Variants in NSMCE2 observed in about 807,000 individuals in gnomAD.
NSMCE2 encodes the protein NSE2 SUMO ligase component of SMC5/6 complex, also known as E3 SUMO-protein ligase NSE2.
A neutral mutation model predicts 23.8 loss-of-function variants in NSMCE2; 24 were observed. The ratio of observed to expected loss-of-function variants is 1.01; its 90% CI spans 0.73 to 1.42. The LOEUF (loss-of-function observed/expected upper bound fraction) is 1.42, where lower values mean the gene tolerates loss of function less well. Ranked by LOEUF, NSMCE2 falls within the 40% of genes most tolerant of loss-of-function variation. The probability of loss-of-function intolerance (pLI) is 0.00; values close to 1 mark genes in which losing one functional copy is unlikely to be tolerated. For missense variants in NSMCE2, 284 were observed against 296.5 expected, an observed-to-expected ratio of 0.96 and a Z score of 0.31; for synonymous variants, 92 against 94.1, an observed-to-expected ratio of 0.98 and a Z score of 0.13.
chr8:125,093,351 A>G (rs904367441), intron 1 of NSMCE2, among the ~76,000 whole-genome samples: 11 of 152,234 alleles, frequency 7.2e-5, no homozygotes, highest in South Asian at 2.1e-4. Flanking sequence ...GGGTGACACA[A>G]ACATTCAGAC....
chr8:125,154,154 C>A (rs994184335), intron 4 of NSMCE2, among the ~76,000 whole-genome samples: 1 of 152,148 alleles, frequency 6.6e-6, no homozygotes, highest in Non-Finnish European at 1.5e-5. Context: ...TGCCTAGATT[C>A]AAATCTACCC....
intron 5 of NSMCE2, among the ~76,000 whole-genome samples, chr8:125,323,104 A>G (rs1192328531): frequency 1.3e-5 from 2 of 152,226 alleles, no homozygotes; most frequent in Non-Finnish European, 2.9e-5. Flanking sequence ...GTATCTGACT[A>G]AAGGTGTGCA....
intron 3 of NSMCE2, among the ~76,000 whole-genome samples, chr8:125,135,802 T>G (rs183001114): frequency 7.9e-5 from 12 of 152,362 alleles, no homozygotes; most frequent in Middle Eastern, 6.8e-3. Flanking sequence ...CTATCTTGAT[T>G]ACTGATGCTT....
At chr8:125,348,536 G>A (rs2131344381) in intron 5 of NSMCE2, 2 of 152,208 alleles carry the variant, frequency 1.3e-5, no homozygotes, top group East Asian at 1.9e-4. Context: ...ATCTTGAATT[G>A]TAGCTCCCAT....
At chr8:125,278,563 T>C (rs1238712330) in intron 5 of NSMCE2, among the ~76,000 whole-genome samples, 1 of 152,200 alleles carries the variant, frequency 6.6e-6, no homozygotes, top group African/African-American at 2.4e-5. Context: ...ACCTATTGTT[T>C]TAGGTACTGA....
At chr8:125,355,262 T>A (rs1189550750) in intron 5 of NSMCE2, among the ~76,000 whole-genome samples, 1 of 152,138 alleles carries the variant, frequency 6.6e-6, no homozygotes, top group African/African-American at 2.4e-5. Context: ...AAGGGCTTCC[T>A]CTCACACATT....
chr8:125,331,493 G>A (rs1829873979), intron 5 of NSMCE2, among the ~76,000 whole-genome samples: 1 of 152,166 alleles, frequency 6.6e-6, no homozygotes, highest in Admixed American at 6.6e-5. Context: ...CAAGTGCTGG[G>A]TAATGGGGAA....
intron 5 of NSMCE2, among the ~76,000 whole-genome samples, chr8:125,202,891 G>A (rs994472036): frequency 6.6e-6 from 1 of 152,106 alleles, no homozygotes; most frequent in Non-Finnish European, 1.5e-5. Context: ...ATTGGCAAGG[G>A]TGGGAACAAA....
In NSMCE2 at chr8:125,340,012, GTTTTTTTTTTTT is replaced by G. The variant is rs752038710; in HGVS notation, c.419-17198_419-17187del. On this transcript the variant is annotated intron_variant, in intron 5 of 7. Coordinates refer to ENST00000287437, the MANE Select transcript of NSMCE2 (RefSeq NM_173685.4). ...GCCTCCGACGTTGTAGTTTTTTTTT[GTTTTTTTTTTTT>G]TTTTTTTTGAGACGGAGTCTCGCTC... Among the ~76,000 whole-genome samples, 4 of 102,828 alleles carry G rather than the reference GTTTTTTTTTTTT, an allele frequency of 3.9e-5. No homozygotes were observed. The Admixed American group carries it at 4.8e-4, about 12-fold the overall frequency. 67.5% of individuals were successfully genotyped at this position (102,828 alleles called of 152,430 possible).
chr8:125,161,302 T>TAA, intron 4 of NSMCE2, among the ~76,000 whole-genome samples: 1 of 151,810 alleles, frequency 6.6e-6, no homozygotes, highest in African/African-American at 2.4e-5. Context: ...CTTCCTTTTT[T>TAA]AAAAAAAAAG....
chr8:125,235,744 T>C (rs1825518946), intron 5 of NSMCE2, among the ~76,000 whole-genome samples: 1 of 152,254 alleles, frequency 6.6e-6, no homozygotes, highest in Non-Finnish European at 1.5e-5. Flanking sequence ...TATCTTCCTT[T>C]GGAAAAGAAA....
chr8:125,245,570 A>G (rs1341872409), intron 5 of NSMCE2, among the ~76,000 whole-genome samples: 1 of 152,192 alleles, frequency 6.6e-6, no homozygotes, highest in Non-Finnish European at 1.5e-5. Context: ...TAGCATAAAC[A>G]TAAGTGAGTT....
chr8:125,154,156 A>C (rs963097810), intron 4 of NSMCE2, among the ~76,000 whole-genome samples: 3 of 152,194 alleles, frequency 2.0e-5, no homozygotes, highest in Non-Finnish European at 4.4e-5. Flanking sequence ...CCTAGATTCA[A>C]ATCTACCCTG....
At chr8:125,216,558 T>TAC (rs1824592598) in intron 5 of NSMCE2, among the ~76,000 whole-genome samples, 14 of 151,006 alleles carry the variant, frequency 9.3e-5, no homozygotes, top group Admixed American at 9.3e-4. Context: ...TGCTTGAACC[T>TAC]GGGAGGCGGA....
At chr8:125,165,728 ATTG>A (rs1325571728) in intron 4 of NSMCE2, among the ~76,000 whole-genome samples, 2 of 152,174 alleles carry the variant, frequency 1.3e-5, no homozygotes, top group African/African-American at 4.8e-5. Flanking sequence ...TATTTTGTTT[ATTG>A]TTCTAATTTT....
chr8:125,272,039 A>T (rs1827220685), intron 5 of NSMCE2, among the ~76,000 whole-genome samples: 2 of 119,648 alleles, frequency 1.7e-5, no homozygotes, highest in Non-Finnish European at 3.3e-5. Context: ...TTTGAGACGG[A>T]GTCTCGCTCT....
intron 7 of NSMCE2, among the ~76,000 whole-genome samples, 193 bp downstream of exon 7, chr8:125,358,011 A>G (rs1813359973): frequency 6.6e-6 from 1 of 152,218 alleles, no homozygotes; most frequent in Non-Finnish European, 1.5e-5. Flanking sequence ...GTTCAGGAAG[A>G]AGCTGAGGGA....
chr8:125,282,217 G>C (rs1026619949), intron 5 of NSMCE2, among the ~76,000 whole-genome samples: 1 of 151,804 alleles, frequency 6.6e-6, no homozygotes, highest in South Asian at 2.1e-4. Context: ...AGGTTTAAGC[G>C]ATTCTCCTGC....
At chr8:125,317,198 C>CTT (rs879359907) in intron 5 of NSMCE2, among the ~76,000 whole-genome samples, 1 of 143,840 alleles carries the variant, frequency 7.0e-6, no homozygotes. Flanking sequence ...TCCTAAAGAT[C>CTT]TTTTTTTTTT....
Sources: allele counts gnomAD v4.1 joint callset (sites outside exome capture counted in the v4.1 genomes callset), GRCh38; gene constraint gnomAD v4.1.1; transcripts MANE v1.5; gene names NCBI Gene and HGNC (gene_info 2026-07-23, HGNC 2026-07-21).